Variants in PARD3B observed in about 807,000 individuals in gnomAD.
PARD3B encodes par-3 family cell polarity regulator beta.
In PARD3B, 103 loss-of-function variants were observed where a neutral mutation model predicts 130.2. That is an observed-to-expected ratio of 0.79 (90% CI 0.67 to 0.93). PARD3B has a LOEUF of 0.93. PARD3B is among the 40% of genes least tolerant of loss of function. PARD3B has a pLI of 0.00. For synonymous variants in PARD3B, 583 were observed against 553.2 expected (o/e 1.05, Z -0.76); for missense variants, 1,609 against 1,499.2 (o/e 1.07, Z -1.21).
At chr2:204,575,847 C>T (rs2125073874) in intron 1 of PARD3B, among the ~76,000 whole-genome samples, 1 of 152,248 alleles carries the variant, frequency 6.6e-6, no homozygotes, top group South Asian at 2.1e-4. Context: ...CTTCACTGTC[C>T]CCTTAGATAT....
chr2:204,794,885 C>A (rs2042318018), intron 2 of PARD3B, among the ~76,000 whole-genome samples: 1 of 152,078 alleles, frequency 6.6e-6, no homozygotes, highest in Admixed American at 6.6e-5. Context: ...GAAAATGCTG[C>A]TGTTTCCTCT....
chr2:205,381,097 AATATATAAAGAATATATATTATATATATT>A, intron 18 of PARD3B, among the ~76,000 whole-genome samples: 1 of 96,924 alleles, frequency 1.0e-5, no homozygotes, highest in Non-Finnish European at 1.8e-5. Flanking sequence ...AAGAATATAT[AATATATAAAGAATATATATTATATATATT>A]ATATATAAAG....
At chr2:204,708,974 A>G (rs1357570245) in intron 2 of PARD3B, among the ~76,000 whole-genome samples, 1 of 152,154 alleles carries the variant, frequency 6.6e-6, no homozygotes, top group Non-Finnish European at 1.5e-5. Flanking sequence ...TAAAAATCTT[A>G]TTCTGGTGGA....
intron 2 of PARD3B, among the ~76,000 whole-genome samples, chr2:204,864,162 C>G (rs967998725): frequency 6.6e-6 from 1 of 152,070 alleles, no homozygotes; most frequent in Admixed American, 6.6e-5. Flanking sequence ...GCCTGGAGCA[C>G]GACAGCATAC....
intron 22 of PARD3B, among the ~76,000 whole-genome samples, chr2:205,555,238 T>G (rs991193768): frequency 1.3e-5 from 2 of 152,164 alleles, no homozygotes; most frequent in African/African-American, 4.8e-5. Flanking sequence ...AGAAATAGCA[T>G]TTAAAATTCT....
intron 18 of PARD3B, among the ~76,000 whole-genome samples, chr2:205,400,368 C>T (rs2046205305): frequency 6.6e-6 from 1 of 151,980 alleles, no homozygotes; most frequent in South Asian, 2.1e-4. Flanking sequence ...AAAGTCCTGG[C>T]AGTAGCTTAC....
At chr2:204,781,816 T>TA (rs1474750151) in intron 2 of PARD3B, among the ~76,000 whole-genome samples, 1 of 152,102 alleles carries the variant, frequency 6.6e-6, no homozygotes, top group Admixed American at 6.6e-5. Flanking sequence ...AATATATATA[T>TA]TTTTAGTATG....
chr2:204,953,692 A>C (rs1690004542), intron 2 of PARD3B, among the ~76,000 whole-genome samples: 1 of 152,158 alleles, frequency 6.6e-6, no homozygotes. Context: ...TAGATTGAGG[A>C]CTGGCTTTGG....
intron 3 of PARD3B, among the ~76,000 whole-genome samples, chr2:204,970,603 G>GT (rs1286757921): frequency 6.6e-6 from 1 of 151,968 alleles, no homozygotes; most frequent in African/African-American, 2.4e-5. Context: ...TTAATTAGTA[G>GT]TTTTTTATTT....
At chr2:204,668,724 C>T (rs1471528309) in intron 1 of PARD3B, among the ~76,000 whole-genome samples, 1 of 152,072 alleles carries the variant, frequency 6.6e-6, no homozygotes, top group Non-Finnish European at 1.5e-5. Context: ...AGAGTAACAC[C>T]ATCTGAAAGA....
At chr2:205,036,582 A>G (rs1018618807) in intron 3 of PARD3B, among the ~76,000 whole-genome samples, 1 of 149,734 alleles carries the variant, frequency 6.7e-6, no homozygotes, top group East Asian at 1.9e-4. Flanking sequence ...CAAAAAATAT[A>G]TATACACAGC....
At chr2:205,521,409 G>T (rs764919838) in intron 21 of PARD3B, among the ~76,000 whole-genome samples, 4 of 151,632 alleles carry the variant, frequency 2.6e-5, no homozygotes, top group Admixed American at 6.6e-5. Context: ...TTTCATTCAG[G>T]GTTTTTTTTC....
At chr2:205,338,599 A>T (rs973410786) in intron 18 of PARD3B, among the ~76,000 whole-genome samples, 1 of 152,230 alleles carries the variant, frequency 6.6e-6, no homozygotes, top group Admixed American at 6.5e-5. Flanking sequence ...TCTCAATGCT[A>T]TCATGTAGCT....
At chr2:204,685,337 C>T in intron 1 of PARD3B, among the ~76,000 whole-genome samples, 1 of 152,102 alleles carries the variant, frequency 6.6e-6, no homozygotes, top group East Asian at 1.9e-4. Flanking sequence ...ATGGTAAAAC[C>T]TTACTCATGT....
chr2:205,098,572 T>C (rs1201936887), intron 4 of PARD3B, among the ~76,000 whole-genome samples: 2 of 152,198 alleles, frequency 1.3e-5, no homozygotes, highest in Admixed American at 6.5e-5. Context: ...AAAGTATCAA[T>C]AGTGTTAAGT....
rs565034483 is a variant in PARD3B, at chr2:204,998,210, C to T, written c.394+32887C>T. On this transcript the variant is annotated intron_variant, in intron 3 of 22. Coordinates refer to ENST00000406610, the MANE Select transcript of PARD3B (RefSeq NM_001302769.2). ...GAGAGGGATAGCATTAGGGGAAATACCTAATGTAGATGATGGGTTGGTGGG... is the reference window on the plus strand; with the variant it reads ...GAGAGGGATAGCATTAGGGGAAATATCTAATGTAGATGATGGGTTGGTGGG... 6.1e-5 allele frequency among the ~76,000 whole-genome samples: 9 copies of T among 147,922 alleles called. No homozygotes were observed. In the East Asian group the frequency reaches 1.8e-3, roughly 29 times the overall value.
chr2:205,073,532 A>C (rs1042703111), intron 4 of PARD3B, among the ~76,000 whole-genome samples: 1 of 152,228 alleles, frequency 6.6e-6, no homozygotes, highest in Non-Finnish European at 1.5e-5. Flanking sequence ...AGACATTATC[A>C]AATCAATCTA....
At chr2:205,524,092 A>T (rs2051224745) in intron 21 of PARD3B, among the ~76,000 whole-genome samples, 1 of 152,034 alleles carries the variant, frequency 6.6e-6, no homozygotes, top group Admixed American at 6.6e-5. Flanking sequence ...TCTTTCTCTA[A>T]GTAACTTGTT....
Position 205,021,613 on chromosome 2 carries a change from T to TCTCTCTCC in PARD3B, c.395-25960_395-25953dup, listed in dbSNP as rs1442649023. Among the ~76,000 whole-genome samples the TCTCTCTCC allele has an allele frequency of 7.1e-6, 1 of 140,282 alleles. No individual in the cohort carries two copies. The allele number at this position is 140,282 out of a possible 152,430, so 92.0% of individuals were successfully genotyped here. ...CTTCTCTTCTCTCTCTCTCTCTCTC[T>TCTCTCTCC]CTCTCTCCCTCTCTCTTTCTCTCTC... On this transcript the variant is annotated intron_variant, in intron 3 of 22. Coordinates refer to ENST00000406610, the MANE Select transcript of PARD3B (RefSeq NM_001302769.2). The surrounding 1 kb of genome is among the most constrained non-coding windows in gnomAD (Gnocchi z 4.5).
Sources: gnomAD v4.1 joint callset for allele counts (sites outside exome capture counted in the v4.1 genomes callset) on GRCh38, gnomAD v4.1.1 for gene constraint, Gnocchi (gnomAD v3.1) non-coding constraint, MANE v1.5 for transcripts, NCBI Gene and HGNC (gene_info 2026-07-23, HGNC 2026-07-21) for gene names.